The following SP140L variants were observed in gnomAD, a reference collection of about 807,000 sequenced individuals.
The protein encoded by SP140L is SP140 like nuclear body protein, also known as nuclear body protein SP140-like protein.
SP140L carries 64 observed loss-of-function variants against 84.3 expected under a neutral mutation model. The observed-to-expected ratio is 0.76, with a 90% CI of 0.62 to 0.94. The LOEUF (loss-of-function observed/expected upper bound fraction) is 0.94, where lower values mean the gene tolerates loss of function less well. Ranked by LOEUF, SP140L falls within the 40% of genes least tolerant of loss-of-function variation. SP140L has a pLI of 0.00. For synonymous variants in SP140L, 242 were observed against 236.9 expected (o/e 1.02, Z -0.20); for missense variants, 628 against 692.5 (o/e 0.91, Z 1.05).
chr2:230,385,732 T>C (rs1309541345), intron 9 of SP140L, among the ~76,000 whole-genome samples: 1 of 152,230 alleles, frequency 6.6e-6, no homozygotes, highest in Non-Finnish European at 1.5e-5. Context: ...ATTTCAGTAA[T>C]TGAGAGTCTT....
In SP140L at chr2:230,402,811, GC is replaced by G; in HGVS notation, c.1660del (p.Gln554LysfsTer34). The G allele has an allele frequency of 6.2e-7, 1 of 1,611,914 alleles. No individual in the cohort carries two copies. The highest frequency in any genetic ancestry group is 2.2e-5 in the East Asian group (1 of 44,820). On this transcript the variant is annotated frameshift_variant, in exon 19 of 19. Coordinates refer to ENST00000415673, the MANE Select transcript of SP140L (RefSeq NM_138402.6). LOFTEE classifies it low-confidence loss of function (END_TRUNC). ...HRASYKYKDF[G>X]QMGLRLEAEF... ...ACTTTTTTCCAGTATAAGGATTTTG[GC>G]CAAATGGGACTTAGACTGGAGGCTG...
chr2:230,394,109 T>C (rs1212192726), intron 13 of SP140L, among the ~76,000 whole-genome samples: 2 of 152,270 alleles, frequency 1.3e-5, no homozygotes, highest in Admixed American at 6.5e-5. Flanking sequence ...AAACGTATTT[T>C]ACAGGAGGAG....
At chr2:230,391,002 G>T (rs2061779172) in intron 11 of SP140L, among the ~76,000 whole-genome samples, 1 of 152,082 alleles carries the variant, frequency 6.6e-6, no homozygotes, top group Non-Finnish European at 1.5e-5. Flanking sequence ...CCCCTTTCAT[G>T]ACTGGCTGCT....
At chr2:230,346,757 G>A (rs2060221129) in intron 2 of SP140L, among the ~76,000 whole-genome samples, 1 of 151,698 alleles carries the variant, frequency 6.6e-6, no homozygotes, top group South Asian at 2.1e-4. Flanking sequence ...TTTTTTATTG[G>A]CATTATATTT....
At position 230,400,473 on chromosome 2, in the gene SP140L, G is replaced by A. The variant is rs2062273927; in HGVS notation, c.1313+231G>A. 9.3e-6 allele frequency: 5 copies of A among 539,390 alleles called. No individual in the cohort carries two copies. The Admixed American group carries it at 1.6e-4, about 17-fold the overall frequency. 33.4% of individuals were successfully genotyped at this position (539,390 alleles called of 1,614,324 possible). A position where few individuals can be genotyped will look rare whatever the true frequency, so the allele number is the denominator to read the frequency against. ...CTGATATGCTGAGGCCAGTGTTGGG[G>A]ACCTTTGCCTACATACTGGTATTGT... is the stretch of plus-strand genomic sequence containing the variant. On this transcript the variant is annotated intron_variant, in intron 15 of 18. Coordinates refer to ENST00000415673, the MANE Select transcript of SP140L (RefSeq NM_138402.6).
At chr2:230,370,750 A>T (rs1319755232) in intron 5 of SP140L, among the ~76,000 whole-genome samples, 158 bp from the exon 6 acceptor site, 1 of 152,232 alleles carries the variant, frequency 6.6e-6, no homozygotes, top group African/African-American at 2.4e-5. Context: ...AAGTGAAAGA[A>T]GATTTCGGAG....
chr2:230,351,440 A>G (rs1238072210), intron 2 of SP140L, among the ~76,000 whole-genome samples: 6 of 151,172 alleles, frequency 4.0e-5, no homozygotes, highest in East Asian at 2.0e-4. Flanking sequence ...GTTATTTTTT[A>G]TTAGCAGACT....
chr2:230,354,782 G>A (rs1397378817), intron 2 of SP140L, among the ~76,000 whole-genome samples: 2 of 144,226 alleles, frequency 1.4e-5, no homozygotes, highest in African/African-American at 5.2e-5. Context: ...AAGAAAGAAG[G>A]GGTGGGGGCG....
rs113425951 is a variant in SP140L, at chr2:230,383,397, C to A, written c.638-113C>A. ...GCTACACTGATCATAAAGAATTTTGCCCCATTCCTGTGGACCAAAGTATGA... is the reference window on the plus strand; with the variant it reads ...GCTACACTGATCATAAAGAATTTTGACCCATTCCTGTGGACCAAAGTATGA... On this transcript the variant is annotated intron_variant, in intron 7 of 18. Coordinates refer to ENST00000415673, the MANE Select transcript of SP140L (RefSeq NM_138402.6). The A allele has an allele frequency of 6.7e-5, 75 of 1,112,780 alleles. No individual in the cohort carries two copies. The African/African-American group carries it at 8.7e-4, about 13-fold the overall frequency. The allele number at this position is 1,112,780 out of a possible 1,614,324, so 68.9% of individuals were successfully genotyped here.
At position 230,327,217 on chromosome 2, in the gene SP140L, T is replaced by C; in HGVS notation, c.-53T>C. On this transcript the variant is annotated 5_prime_UTR_variant, in exon 1 of 19. Coordinates refer to ENST00000415673, the MANE Select transcript of SP140L (RefSeq NM_138402.6). ...CACACTGCACGCAGGCTGGGCCGAC[T>C]GGGGAGCTCATAGGCCAGGCTCTGA... 6.3e-7 allele frequency: 1 copy of C among 1,581,110 alleles called. No homozygotes were observed.
At chr2:230,351,875 G>A (rs558762245) in intron 2 of SP140L, among the ~76,000 whole-genome samples, 1 of 152,276 alleles carries the variant, frequency 6.6e-6, no homozygotes, top group African/African-American at 2.4e-5. Context: ...TTGAACTCCT[G>A]AACTCAAGTG....
At chr2:230,396,064 C>A (rs565062438) in intron 13 of SP140L, among the ~76,000 whole-genome samples, 41 of 152,336 alleles carry the variant, frequency 2.7e-4, no homozygotes, top group African/African-American at 8.9e-4. Flanking sequence ...GATAAATTCT[C>A]AGCCTGATTA....
chr2:230,379,644 G>A (rs952320331), intron 7 of SP140L, among the ~76,000 whole-genome samples: 1 of 152,030 alleles, frequency 6.6e-6, no homozygotes, highest in African/African-American at 2.4e-5. Context: ...TTTCTAGTGA[G>A]TGATCTCTAA....
chr2:230,377,193 C>G (rs1220120802), intron 7 of SP140L, among the ~76,000 whole-genome samples: 3 of 152,090 alleles, frequency 2.0e-5, no homozygotes, highest in Non-Finnish European at 4.4e-5. Context: ...GTTCGTTTGT[C>G]TTTTAAGAAA....
At position 230,388,590 on chromosome 2, in the gene SP140L, T is replaced by C. The variant is rs748627544; in HGVS notation, c.816T>C (p.Phe272=). The part of the protein sequence containing the change: ...GRKRGKPGTH[F]TQSDRAPQKR... ...AGAGAGGCAAACCTGGAACCCACTT[T>C]ACTCAGAGTGACAGAGCTCCACAGA... Residue 272 remains phenylalanine, a synonymous_variant, in exon 10 of 19, where the codon TTT becomes TTC. Coordinates refer to ENST00000415673, the MANE Select transcript of SP140L (RefSeq NM_138402.6). 8.7e-6 allele frequency: 14 copies of C among 1,609,784 alleles called. No individual in the cohort carries two copies. In the Admixed American group the frequency reaches 2.2e-4, roughly 25 times the overall value.
chr2:230,328,537 T>C (rs2059641648), intron 1 of SP140L, among the ~76,000 whole-genome samples: 1 of 152,260 alleles, frequency 6.6e-6, no homozygotes, highest in South Asian at 2.1e-4. Flanking sequence ...CCATAGAATT[T>C]ACATAGCATA....
intron 7 of SP140L, among the ~76,000 whole-genome samples, chr2:230,380,517 A>G (rs2061369502): frequency 6.6e-6 from 1 of 152,200 alleles, no homozygotes; most frequent in South Asian, 2.1e-4. Flanking sequence ...ATGCACAAGT[A>G]TTAAGAGTAC....
intron 8 of SP140L, among the ~76,000 whole-genome samples, chr2:230,384,639 A>G (rs1421149911): frequency 3.9e-5 from 6 of 152,216 alleles, no homozygotes; most frequent in Admixed American, 2.0e-4. Context: ...TTGGCCGGGC[A>G]TGGTGGCTCA....
At chr2:230,335,220 A>T (rs1465474277) in intron 2 of SP140L, among the ~76,000 whole-genome samples, 1 of 151,856 alleles carries the variant, frequency 6.6e-6, no homozygotes, top group Admixed American at 6.6e-5. Context: ...TTTCTTTCCT[A>T]ATTCTTTACT....
Sources: allele counts gnomAD v4.1 joint callset (sites outside exome capture counted in the v4.1 genomes callset), GRCh38; gene constraint gnomAD v4.1.1; transcripts MANE v1.5; gene names NCBI Gene and HGNC (gene_info 2026-07-23, HGNC 2026-07-21).